CECR2: variants seen among roughly 807,000 people sequenced by gnomAD.
CECR2 encodes CECR2 histone acetyl-lysine reader.
Under a neutral mutation model 154.5 loss-of-function variants are expected in CECR2, and 30 were observed. The ratio of observed to expected loss-of-function variants is 0.19; its 90% confidence interval spans 0.15 to 0.26. The LOEUF (loss-of-function observed/expected upper bound fraction) is 0.26, where lower values mean the gene tolerates loss of function less well. Ranked by LOEUF, CECR2 falls within the 10% of genes least tolerant of loss-of-function variation. The pLI, the probability that CECR2 is intolerant of heterozygous loss-of-function variation, is 1.00. For missense variants in CECR2, 1,743 were observed against 1,829.3 expected (o/e 0.95, Z 0.86); for synonymous variants, 725 against 683.7 (o/e 1.06, Z -0.94).
chr22:17,488,702 C>T (rs192854724), intron 2 of CECR2, among the ~76,000 whole-genome samples: 2 of 152,286 alleles, frequency 1.3e-5, no homozygotes, highest in Admixed American at 6.5e-5. Flanking sequence ...TTTATTGAAT[C>T]TGTTCTTGGG....
intron 1 of CECR2, among the ~76,000 whole-genome samples, chr22:17,378,189 T>G (rs992106462): frequency 4.0e-5 from 6 of 151,356 alleles, no homozygotes; most frequent in Non-Finnish European, 7.4e-5. Flanking sequence ...TTCACCGTGT[T>G]AGCCAGGATG....
Position 17,537,105 on chromosome 22 carries a change from C to A in CECR2, c.1111C>A (p.Arg371=), listed in dbSNP as rs748994362. ...LEEKVKAVED[R]AKRRKLREER... is the part of the protein sequence containing the mutation. ...CTCAGCCTTTGTGTTCATTGTAGATCGAGCGAAGAGGAGAAAGCTCAGGGA... is the reference window on the plus strand; with the variant it reads ...CTCAGCCTTTGTGTTCATTGTAGATAGAGCGAAGAGGAGAAAGCTCAGGGA... The change falls in exon 10 of 19, where the codon CGA becomes AGA. Residue 371 remains arginine (R), a splice_region_variant and synonymous_variant. Coordinates refer to ENST00000262608, the MANE Select transcript of CECR2 (RefSeq NM_001290047.2). The A allele has an allele frequency of 5.0e-6, 8 of 1,613,580 alleles. No homozygotes were observed. Among genetic ancestry groups the A allele is most frequent in the Non-Finnish European group, 6.8e-6 (8 of 1,179,760 alleles).
At position 17,496,987 on chromosome 22, in the gene CECR2, C is replaced by T. The variant is rs149464887; in HGVS notation, c.222-416C>T. 7.2e-5 allele frequency among the ~76,000 whole-genome samples: 11 copies of T among 152,298 alleles called. No individual in the cohort carries two copies. The East Asian group carries it at 1.9e-3, about 27-fold the overall frequency. The stretch of plus-strand genomic sequence containing the variant: ...TTCCTGTTACTGTTTTTCATTTCTG[C>T]TTTCTGTGTAAAATTTGTCAACTGG... On this transcript the variant is annotated intron_variant, in intron 2 of 18. Coordinates refer to ENST00000262608, the MANE Select transcript of CECR2 (RefSeq NM_001290047.2).
At chr22:17,527,320 TG>T (rs2056281930) in intron 9 of CECR2, among the ~76,000 whole-genome samples, 1 of 151,988 alleles carries the variant, frequency 6.6e-6, no homozygotes, top group African/African-American at 2.4e-5. Context: ...TAACCGAGCA[TG>T]GTTGTTCATA....
At chr22:17,434,579 C>T (rs1252198095) in intron 1 of CECR2, among the ~76,000 whole-genome samples, 5 of 152,066 alleles carry the variant, frequency 3.3e-5, no homozygotes, top group South Asian at 2.1e-4. Flanking sequence ...AATCACTTTC[C>T]GAGCAGTCTA....
intron 2 of CECR2, 136 bp from the exon 3 acceptor site, chr22:17,497,267 A>T: frequency 1.2e-6 from 1 of 816,436 alleles, no homozygotes; most frequent in Admixed American, 2.8e-5. Context: ...TCTAGCCTGG[A>T]TGACAGAGCG....
intron 8 of CECR2, among the ~76,000 whole-genome samples, chr22:17,519,257 A>G (rs1044698334): frequency 6.6e-6 from 1 of 150,616 alleles, no homozygotes; most frequent in African/African-American, 2.4e-5. Context: ...TCCACCTCAC[A>G]CCAAGCATCT....
intron 1 of CECR2, among the ~76,000 whole-genome samples, chr22:17,387,925 A>C (rs1473247712): frequency 6.6e-6 from 1 of 151,104 alleles, no homozygotes; most frequent in Non-Finnish European, 1.5e-5. Context: ...TCTATATTTG[A>C]GGTTTTAAGT....
chr22:17,469,800 C>T (rs1279645683), intron 1 of CECR2, among the ~76,000 whole-genome samples: 1 of 152,226 alleles, frequency 6.6e-6, no homozygotes, highest in African/African-American at 2.4e-5. Flanking sequence ...TTGCCCTCTT[C>T]TCTTGCATGC....
chr22:17,457,696 T>C (rs1464406439), intron 1 of CECR2, among the ~76,000 whole-genome samples: 8 of 152,206 alleles, frequency 5.3e-5, no homozygotes, highest in Admixed American at 5.2e-4. Flanking sequence ...GAAAAACCTG[T>C]AGATGAATAC....
At chr22:17,450,253 T>C (rs533774758) in intron 1 of CECR2, among the ~76,000 whole-genome samples, 52 of 152,276 alleles carry the variant, frequency 3.4e-4, no homozygotes, top group African/African-American at 1.2e-3. Flanking sequence ...TAGGTTTTAA[T>C]GGGAAAAAGT....
At chr22:17,462,086 C>T (rs1028015078) in intron 1 of CECR2, among the ~76,000 whole-genome samples, 15 of 151,674 alleles carry the variant, frequency 9.9e-5, no homozygotes, top group East Asian at 2.0e-4. Context: ...CCACCATGCT[C>T]GGCAGTACCT....
chr22:17,390,234 A>G (rs867295010), intron 1 of CECR2, among the ~76,000 whole-genome samples: 13 of 152,212 alleles, frequency 8.5e-5, no homozygotes, highest in Non-Finnish European at 1.0e-4. Context: ...CATTCATTCT[A>G]TTGACGGTCC....
chr22:17,380,440 A>G (rs2146468298), intron 1 of CECR2, among the ~76,000 whole-genome samples: 1 of 152,322 alleles, frequency 6.6e-6, no homozygotes, highest in East Asian at 1.9e-4. Context: ...ATATGCGTAT[A>G]AGTTTCACAC....
intron 7 of CECR2, among the ~76,000 whole-genome samples, chr22:17,509,474 G>A (rs562560199): frequency 6.6e-6 from 1 of 150,618 alleles, no homozygotes; most frequent in Non-Finnish European, 1.5e-5. Context: ...CTGTTACCCA[G>A]GCTGGAGTGC....
At chr22:17,526,362 G>A (rs1003923702) in intron 9 of CECR2, among the ~76,000 whole-genome samples, 2 of 152,090 alleles carry the variant, frequency 1.3e-5, no homozygotes, top group Admixed American at 6.6e-5. Context: ...CACGTACAGC[G>A]AACTCATTTT....
chr22:17,378,497 C>T (rs1405942672), intron 1 of CECR2, among the ~76,000 whole-genome samples: 4 of 151,944 alleles, frequency 2.6e-5, no homozygotes, highest in Admixed American at 6.6e-5. Context: ...GGGGTTTCAC[C>T]GTGTTAGCCA....
chr22:17,422,357 C>G (rs1601331127), intron 1 of CECR2, among the ~76,000 whole-genome samples: 1 of 152,182 alleles, frequency 6.6e-6, no homozygotes, highest in East Asian at 1.9e-4. Context: ...GCCACCAGGC[C>G]CAGCTAATTT....
intron 2 of CECR2, among the ~76,000 whole-genome samples, chr22:17,490,897 C>T (rs1255679516): frequency 1.2e-4 from 2 of 16,426 alleles, no homozygotes; most frequent in African/African-American, 3.3e-4. Context: ...TTTCCTCCCA[C>T]CCACTTCCCA....
Sources: allele counts gnomAD v4.1 joint callset (sites outside exome capture counted in the v4.1 genomes callset), GRCh38; gene constraint gnomAD v4.1.1; transcripts MANE v1.5; gene names NCBI Gene and HGNC (gene_info 2026-07-23, HGNC 2026-07-21).